CNOT1: variants seen among roughly 807,000 people sequenced by gnomAD.
CNOT1 encodes CCR4-NOT transcription complex subunit 1.
In CNOT1, 15 loss-of-function variants were observed where a neutral mutation model predicts 273.8. The ratio of observed to expected loss-of-function variants is 0.05; its 90% CI spans 0.04 to 0.08. The LOEUF is 0.08. Among genes scored for constraint, CNOT1 ranks in the 10% least tolerant of loss-of-function variants. The probability of loss-of-function intolerance (pLI) is 1.00; values close to 1 mark genes in which losing one functional copy is unlikely to be tolerated. For synonymous variants in CNOT1, 1,022 were observed against 1,005.5 expected (o/e 1.02, Z -0.31); for missense variants, 1,644 against 2,912.2 (o/e 0.56, Z 10.02).
At chr16:58,564,626 A>G (rs1157775218) in intron 16 of CNOT1, among the ~76,000 whole-genome samples, 2 of 152,192 alleles carry the variant, frequency 1.3e-5, no homozygotes, top group Admixed American at 6.6e-5. Context: ...TAAAATATTC[A>G]CCTTTACTAT....
intron 16 of CNOT1, among the ~76,000 whole-genome samples, chr16:58,566,470 C>T (rs945463652): frequency 6.6e-6 from 1 of 152,152 alleles, no homozygotes; most frequent in African/African-American, 2.4e-5. Flanking sequence ...ACATTTTGCG[C>T]AATTTTAACA....
At position 58,526,144 on chromosome 16, in the gene CNOT1, A is replaced by G. The variant is rs2039572623; in HGVS notation, c.6454-6T>C. 3 of 1,613,724 alleles carry G rather than the reference A, an allele frequency of 1.9e-6. No homozygotes were observed. Among genetic ancestry groups the G allele is most frequent in the Admixed American group, 3.3e-5 (2 of 59,976 alleles). On this transcript the variant is annotated splice_region_variant and splice_polypyrimidine_tract_variant and intron_variant, in intron 44 of 48. Transcript: ENST00000317147. ...ATTTCACTCAACATGTCCACCTGCC[A>G]CAGATAAAATGCAAGAATCACAAGC...
chr16:58,610,418 A>G (rs2152031867), intron 1 of CNOT1, among the ~76,000 whole-genome samples: 1 of 152,106 alleles, frequency 6.6e-6, no homozygotes, highest in African/African-American at 2.4e-5. Flanking sequence ...TAAAGAAATA[A>G]ATAGGCCAGG....
chr16:58,585,586 A>C lies in CNOT1; in HGVS notation c.638-80T>G, dbSNP rs2041807128. ...TTTTGCTCTATCCAAAATCCCCTCAAACCCAATTCTCTCACAAGTTCATAT... is the reference window on the plus strand; with the variant it reads ...TTTTGCTCTATCCAAAATCCCCTCACACCCAATTCTCTCACAAGTTCATAT... On this transcript the variant is annotated intron_variant, in intron 7 of 48. Transcript: ENST00000317147. The C allele has an allele frequency of 7.9e-6, 12 of 1,512,442 alleles. No individual in the cohort carries two copies. The East Asian group carries it at 2.8e-4, about 35-fold the overall frequency. The allele number at this position is 1,512,442 out of a possible 1,614,324, so 93.7% of individuals were successfully genotyped here. A position where few individuals can be genotyped will look rare whatever the true frequency, so the allele number is the denominator to read the frequency against.
intron 16 of CNOT1, 134 bp from the exon 17 acceptor site, chr16:58,560,496 GAT>G (rs1172219858): frequency 1.1e-5 from 15 of 1,411,572 alleles, no homozygotes; most frequent in Middle Eastern, 2.6e-4. Context: ...GCAGTAGCAC[GAT>G]ATCAATTCAC....
rs1244698351 is a variant in CNOT1, at chr16:58,543,450, C to G, written c.4434+157G>C. 2.7e-6 allele frequency: 4 copies of G among 1,490,140 alleles called. No homozygotes were observed. The African/African-American group carries it at 5.8e-5, about 21-fold the overall frequency. 92.3% of individuals were successfully genotyped at this position (1,490,140 alleles called of 1,614,324 possible). ...CACACAGACATGATGCTTTGCCTCA[C>G]AGAATTACAATCTAAAATGATGGAA... On this transcript the variant is annotated intron_variant, in intron 31 of 48. Coordinates refer to ENST00000317147, the MANE Select transcript of CNOT1 (RefSeq NM_016284.5).
At chr16:58,584,859 G>A (rs1433081107) in intron 8 of CNOT1, among the ~76,000 whole-genome samples, 1 of 152,072 alleles carries the variant, frequency 6.6e-6, no homozygotes, top group East Asian at 1.9e-4. Flanking sequence ...ACAGTCTTAA[G>A]TGCTACTAAC....
At chr16:58,569,820 A>T (rs1284578969) in intron 16 of CNOT1, among the ~76,000 whole-genome samples, 1 of 152,198 alleles carries the variant, frequency 6.6e-6, no homozygotes, top group East Asian at 1.9e-4. Flanking sequence ...GTACGGAAAG[A>T]TTTGTAGAAA....
intron 8 of CNOT1, among the ~76,000 whole-genome samples, chr16:58,584,825 A>G (rs575610724): frequency 6.6e-6 from 1 of 152,320 alleles, no homozygotes; most frequent in Non-Finnish European, 1.5e-5. Context: ...TGCTTTTAGA[A>G]AAATATTAAT....
intron 16 of CNOT1, 109 bp from the exon 17 acceptor site, chr16:58,560,471 C>T: frequency 6.8e-7 from 1 of 1,467,904 alleles, no homozygotes; most frequent in African/African-American, 1.4e-5. Flanking sequence ...CTCACTCTGT[C>T]ACCCAGACTG....
chr16:58,609,897 A>G (rs896274641), intron 1 of CNOT1, among the ~76,000 whole-genome samples: 3 of 151,078 alleles, frequency 2.0e-5, no homozygotes, highest in African/African-American at 7.3e-5. Flanking sequence ...ATAATAATAC[A>G]TTAACATGTT....
At chr16:58,558,259 T>C (rs1056494293) in intron 18 of CNOT1, among the ~76,000 whole-genome samples, 5 of 152,224 alleles carry the variant, frequency 3.3e-5, no homozygotes, top group African/African-American at 9.6e-5. Flanking sequence ...TTCAACTAAC[T>C]TTACAACTAC....
At chr16:58,548,416 T>C in intron 25 of CNOT1, 2 of 454,156 alleles carry the variant, frequency 4.4e-6, no homozygotes, top group Middle Eastern at 3.6e-4. Context: ...AAAAACATGG[T>C]CTTGAAACTT....
intron 16 of CNOT1, among the ~76,000 whole-genome samples, chr16:58,570,960 G>A (rs1044149483): frequency 6.6e-6 from 1 of 152,050 alleles, no homozygotes; most frequent in Non-Finnish European, 1.5e-5. Context: ...CAGCAAAAGA[G>A]CCCTATATTA....
chr16:58,528,733 C>A, intron 43 of CNOT1, 85 bp from the exon 44 acceptor site: 1 of 871,820 alleles, frequency 1.1e-6, no homozygotes, highest in Non-Finnish European at 1.8e-6. Flanking sequence ...CCCCCACCCC[C>A]CTCAAAAGAA....
intron 23 of CNOT1, 52 bp from the exon 24 acceptor site, chr16:58,551,324 GA>G (rs760533416): frequency 2.0e-6 from 3 of 1,507,890 alleles, no homozygotes; most frequent in South Asian, 2.6e-5. Context: ...ATGCTTCCCT[GA>G]AAAAAATCCA....
chr16:58,627,251 C>T (rs528732662), intron 1 of CNOT1, among the ~76,000 whole-genome samples: 5 of 151,614 alleles, frequency 3.3e-5, no homozygotes, highest in East Asian at 3.9e-4. Context: ...TATTAAAATA[C>T]AAAAATTAGC....
intron 3 of CNOT1, 130 bp from the exon 4 acceptor site, chr16:58,588,008 T>C (rs2041931313): frequency 6.1e-6 from 6 of 978,734 alleles, no homozygotes; most frequent in Non-Finnish European, 5.8e-6. Flanking sequence ...ATCGGCTCTT[T>C]AAAAATCTCG....
At chr16:58,569,150 T>A (rs973763468) in intron 16 of CNOT1, among the ~76,000 whole-genome samples, 2 of 152,156 alleles carry the variant, frequency 1.3e-5, no homozygotes, top group Middle Eastern at 3.2e-3. Flanking sequence ...TGAGACAGAG[T>A]CTTACTCTGC....
Sources: allele counts gnomAD v4.1 joint callset (sites outside exome capture counted in the v4.1 genomes callset), GRCh38; gene constraint gnomAD v4.1.1; transcripts MANE v1.5; gene names NCBI Gene and HGNC (gene_info 2026-07-23, HGNC 2026-07-21).